The following PCDHA1 variants were observed in gnomAD, a reference collection of about 807,000 sequenced individuals.
The protein encoded by PCDHA1 is protocadherin alpha 1, also known as protocadherin alpha-1.
Under a neutral mutation model 61.3 loss-of-function variants are expected in PCDHA1, and 42 were observed. That is an observed-to-expected ratio of 0.69 (90% CI 0.54 to 0.89). PCDHA1 has a LOEUF of 0.89. PCDHA1 is among the 40% of genes least tolerant of loss of function. The probability of loss-of-function intolerance (pLI) is 0.00; values close to 1 mark genes in which losing one functional copy is unlikely to be tolerated. For synonymous variants in PCDHA1, 610 were observed against 553.8 expected (o/e 1.10, Z -1.43); for missense variants, 1,256 against 1,235.3 (o/e 1.02, Z -0.25).
At chr5:140,803,323 G>A in intron 1 of PCDHA1, 1 of 1,614,176 alleles carries the variant, frequency 6.2e-7, no homozygotes, top group Non-Finnish European at 8.5e-7. Flanking sequence ...GCGGTGTCCA[G>A]TCTGTTGGTG....
intron 1 of PCDHA1, among the ~76,000 whole-genome samples, chr5:140,921,992 C>A (rs963694302): frequency 6.6e-6 from 1 of 151,842 alleles, no homozygotes; most frequent in South Asian, 2.1e-4. Context: ...AAAAAGAGTT[C>A]AATGAAATGA....
intron 1 of PCDHA1, among the ~76,000 whole-genome samples, chr5:140,873,824 C>A (rs1411429273): frequency 6.6e-6 from 1 of 152,118 alleles, no homozygotes; most frequent in Non-Finnish European, 1.5e-5. Flanking sequence ...CCACTCCTGG[C>A]TAATTTTTGT....
intron 1 of PCDHA1, chr5:140,877,758 G>T (rs782480713): frequency 6.2e-7 from 1 of 1,614,190 alleles, no homozygotes; most frequent in East Asian, 2.2e-5. Flanking sequence ...GCTCTGCAGA[G>T]AGCCCGCCCA....
intron 3 of PCDHA1, among the ~76,000 whole-genome samples, chr5:141,007,101 A>T (rs1412645072): frequency 6.6e-5 from 10 of 152,188 alleles, no homozygotes; most frequent in African/African-American, 1.7e-4. Flanking sequence ...TCTAGGGCCA[A>T]ACCCAAGGAA....
At chr5:140,941,202 CCTTTCTTT>C (rs797023184) in intron 1 of PCDHA1, among the ~76,000 whole-genome samples, 5 of 122,740 alleles carry the variant, frequency 4.1e-5, no homozygotes, top group Non-Finnish European at 9.0e-5. Context: ...TTTCTTTCTT[CCTTTCTTT>C]CTTCCTTTCT....
In PCDHA1 at chr5:141,011,084, C is replaced by T. The variant is rs928216799; in HGVS notation, c.*1147C>T. 1.3e-5 allele frequency: 2 copies of T among 153,722 alleles called. No homozygotes were observed. The highest frequency in any genetic ancestry group is 6.5e-5 in the Admixed American group (1 of 15,272). The allele number at this position is 153,722 out of a possible 1,614,324, so 9.5% of individuals were successfully genotyped here. A position where few individuals can be genotyped will look rare whatever the true frequency, so the allele number is the denominator to read the frequency against. ...CATGTATTACTAAATAAAATGATCT[C>T]TCTTTCTCTCTCTCTCTCTCTTTTC... On this transcript the variant is annotated 3_prime_UTR_variant, in exon 4 of 4. Coordinates refer to ENST00000504120, the MANE Select transcript of PCDHA1 (RefSeq NM_018900.4).
intron 1 of PCDHA1, among the ~76,000 whole-genome samples, chr5:140,945,880 A>G (rs1210743057): frequency 6.6e-6 from 1 of 152,136 alleles, no homozygotes; most frequent in Non-Finnish European, 1.5e-5. Flanking sequence ...TAAAACTAAC[A>G]AAGAAAACAC....
At chr5:140,927,713 A>G in intron 1 of PCDHA1, 1 of 1,614,180 alleles carries the variant, frequency 6.2e-7, no homozygotes, top group Non-Finnish European at 8.5e-7. Flanking sequence ...TCCCTAAGCA[A>G]CAGCACGCAA....
At chr5:140,923,142 T>TA (rs1262526439) in intron 1 of PCDHA1, among the ~76,000 whole-genome samples, 1 of 152,006 alleles carries the variant, frequency 6.6e-6, no homozygotes, top group African/African-American at 2.4e-5. Context: ...AGGTGGAATA[T>TA]AAAAAAAATT....
chr5:140,960,308 C>A (rs1387326739), intron 1 of PCDHA1, among the ~76,000 whole-genome samples: 1 of 152,122 alleles, frequency 6.6e-6, no homozygotes, highest in African/African-American at 2.4e-5. Flanking sequence ...CAATACCAAC[C>A]TCATTAGGGT....
chr5:140,882,054 C>T, intron 1 of PCDHA1: 1 of 781,668 alleles, frequency 1.3e-6, no homozygotes. Context: ...CATACTTACA[C>T]TTACACGTTC....
At chr5:140,848,736 A>G (rs1339313623) in intron 1 of PCDHA1, 1 of 1,592,708 alleles carries the variant, frequency 6.3e-7, no homozygotes. Context: ...AAATCTGCAG[A>G]ATGGCATTTT....
chr5:140,989,563 C>A (rs1399360475), intron 3 of PCDHA1, among the ~76,000 whole-genome samples: 1 of 152,118 alleles, frequency 6.6e-6, no homozygotes, highest in Non-Finnish European at 1.5e-5. Flanking sequence ...TTTTGTGGCT[C>A]CGGCAAGCCC....
chr5:140,926,967 A>G (rs782296182), intron 1 of PCDHA1: 4 of 1,606,666 alleles, frequency 2.5e-6, no homozygotes, highest in Middle Eastern at 1.7e-4. Context: ...TCGAGTACTC[A>G]GTGCCGGAGG....
chr5:140,996,301 AC>A (rs1306218777), intron 3 of PCDHA1, among the ~76,000 whole-genome samples: 1 of 152,240 alleles, frequency 6.6e-6, no homozygotes, highest in African/African-American at 2.4e-5. Context: ...ACAGATTGTA[AC>A]AAAGTAAGGG....
chr5:140,876,960 G>A (rs781808609), intron 1 of PCDHA1: 4 of 1,613,122 alleles, frequency 2.5e-6, no homozygotes, highest in East Asian at 4.5e-5. Context: ...CGCTGGTGGA[G>A]CGGCGGGTGG....
intron 1 of PCDHA1, chr5:140,807,048 T>C (rs1554123732): frequency 9.8e-7 from 1 of 1,025,000 alleles, no homozygotes; most frequent in Non-Finnish European, 1.4e-6. Flanking sequence ...AAATTCCTTC[T>C]ATTCTTACTG....
Position 140,807,074 on chromosome 5 carries a change from A to T in PCDHA1, c.2394+18390A>T, listed in dbSNP as rs372967091. ...ATTCTTACTGGAAGGAACCATATAC[A>T]CTCTTTGGAGTCTGAAATATGGAGG... On this transcript the variant is annotated intron_variant, in intron 1 of 3. Transcript: ENST00000504120. 9.9e-6 allele frequency: 12 copies of T among 1,213,528 alleles called. No individual in the cohort carries two copies. In the East Asian group the frequency reaches 2.1e-4, roughly 21 times the overall value. The allele number at this position is 1,213,528 out of a possible 1,614,324, so 75.2% of individuals were successfully genotyped here.
intron 1 of PCDHA1, among the ~76,000 whole-genome samples, chr5:140,886,840 A>G (rs1175023921): frequency 4.0e-5 from 6 of 151,546 alleles, no homozygotes; most frequent in South Asian, 2.1e-4. Context: ...AAAAAAAAAA[A>G]AAAAAAAGAA....
Sources: allele counts gnomAD v4.1 joint callset (sites outside exome capture counted in the v4.1 genomes callset), GRCh38; gene constraint gnomAD v4.1.1; transcripts MANE v1.5; gene names NCBI Gene and HGNC (gene_info 2026-07-23, HGNC 2026-07-21).